The following FOXJ3 variants were observed in gnomAD, a reference collection of about 807,000 sequenced individuals.
FOXJ3 encodes forkhead box J3, also known as forkhead box protein J3.
FOXJ3 carries 22 observed loss-of-function variants against 76.1 expected under a neutral mutation model. The ratio of observed to expected loss-of-function variants is 0.29; its 90% CI spans 0.21 to 0.41. The LOEUF is 0.41. Among genes scored for constraint, FOXJ3 ranks in the 10% least tolerant of loss-of-function variants. The pLI is 1.00. For missense variants in FOXJ3, 613 were observed against 762.1 expected (o/e 0.80, Z 2.30); for synonymous variants, 269 against 261.2 (o/e 1.03, Z -0.29).
chr1:42,193,391 C>T (rs1445848910), intron 8 of FOXJ3, among the ~76,000 whole-genome samples: 1 of 145,204 alleles, frequency 6.9e-6, no homozygotes, highest in African/African-American at 2.6e-5. Context: ...GACTTCCTAT[C>T]GATGTTCCTT....
At chr1:42,196,260 T>C (rs1646648942) in intron 7 of FOXJ3, among the ~76,000 whole-genome samples, 1 of 152,204 alleles carries the variant, frequency 6.6e-6, no homozygotes, top group African/African-American at 2.4e-5. Flanking sequence ...TCTGTATAAG[T>C]AATAAAATTA....
At chr1:42,236,651 C>A (rs1255932321) in intron 4 of FOXJ3, among the ~76,000 whole-genome samples, 1 of 152,242 alleles carries the variant, frequency 6.6e-6, no homozygotes, top group Non-Finnish European at 1.5e-5. Context: ...TTGCGTGACT[C>A]AGGAAGCAAT....
intron 6 of FOXJ3, among the ~76,000 whole-genome samples, chr1:42,200,854 C>T (rs1646750963): frequency 6.6e-6 from 1 of 152,040 alleles, no homozygotes; most frequent in Middle Eastern, 3.2e-3. Flanking sequence ...TTATTTTCTA[C>T]CCACCTCCTC....
At chr1:42,305,542 A>G (rs1023921444) in intron 2 of FOXJ3, among the ~76,000 whole-genome samples, 3 of 152,248 alleles carry the variant, frequency 2.0e-5, no homozygotes, top group African/African-American at 7.2e-5. Context: ...TGGTACATAT[A>G]TACACGAGAT....
At chr1:42,205,256 C>T (rs536845762) in intron 6 of FOXJ3, among the ~76,000 whole-genome samples, 70 of 152,274 alleles carry the variant, frequency 4.6e-4, no homozygotes, top group Middle Eastern at 6.8e-3. Context: ...AGTTGTGACT[C>T]AACCATCAAA....
At chr1:42,217,478 G>A (rs1393615815) in intron 5 of FOXJ3, among the ~76,000 whole-genome samples, 3 of 151,888 alleles carry the variant, frequency 2.0e-5, no homozygotes, top group Non-Finnish European at 4.4e-5. Flanking sequence ...GCAGTGAGCC[G>A]AGATCGTGCC....
At chr1:42,321,377 AT>A (rs1655418188) in intron 1 of FOXJ3, among the ~76,000 whole-genome samples, 1 of 152,156 alleles carries the variant, frequency 6.6e-6, no homozygotes, top group Non-Finnish European at 1.5e-5. Context: ...GTGATGAGCA[AT>A]TGGTAACATG....
chr1:42,283,569 A>T (rs1652865938), intron 2 of FOXJ3, among the ~76,000 whole-genome samples: 1 of 152,214 alleles, frequency 6.6e-6, no homozygotes, highest in Admixed American at 6.5e-5. Context: ...AATAAGAATA[A>T]TGAGGGTAAC....
At chr1:42,307,840 A>C (rs1557714508) in intron 2 of FOXJ3, among the ~76,000 whole-genome samples, 1 of 152,208 alleles carries the variant, frequency 6.6e-6, no homozygotes, top group Non-Finnish European at 1.5e-5. Context: ...CAAATTTTCT[A>C]CAATATGTAC....
chr1:42,260,413 A>G (rs1439615495), intron 4 of FOXJ3, among the ~76,000 whole-genome samples: 3 of 152,202 alleles, frequency 2.0e-5, no homozygotes, highest in Non-Finnish European at 2.9e-5. Context: ...AAAAAAATTC[A>G]TAATTTGTGA....
chr1:42,214,105 T>A (rs1266572409), intron 5 of FOXJ3, among the ~76,000 whole-genome samples: 1 of 152,008 alleles, frequency 6.6e-6, no homozygotes, highest in Non-Finnish European at 1.5e-5. Context: ...ATAAGAAAGG[T>A]GACAGCTTTG....
chr1:42,241,104 G>GTTT (rs1649102708), intron 4 of FOXJ3, among the ~76,000 whole-genome samples: 1 of 152,166 alleles, frequency 6.6e-6, no homozygotes, highest in Non-Finnish European at 1.5e-5. Context: ...TGTGGGAAAA[G>GTTT]GATAAGTGAG....
rs1553169326 is a variant in FOXJ3, at chr1:42,311,650, A to AAAGTAGTAGTAGT, written c.-17-541_-17-540insACTACTACTACTT. 2.0e-5 allele frequency among the ~76,000 whole-genome samples: 3 copies of AAAGTAGTAGTAGT among 149,508 alleles called. No homozygotes were observed. The East Asian group carries it at 5.9e-4, about 29-fold the overall frequency. On this transcript the variant is annotated intron_variant, in intron 1 of 12. Coordinates refer to ENST00000361346, the MANE Select transcript of FOXJ3 (RefSeq NM_014947.5). ...AAACAGTTCCATTGCTTTAAAAAAA[A>AAAGTAGTAGTAGT]AGTAGTAGTAGTAGTAGTAGTAGTA... is the stretch of plus-strand genomic sequence containing the variant.
chr1:42,217,062 G>T (rs1343893746), intron 5 of FOXJ3, among the ~76,000 whole-genome samples: 1 of 152,094 alleles, frequency 6.6e-6, no homozygotes, highest in African/African-American at 2.4e-5. Flanking sequence ...GTGGAGGGGA[G>T]GAGAGGAACA....
intron 4 of FOXJ3, among the ~76,000 whole-genome samples, chr1:42,264,006 G>C (rs1403982329): frequency 7.5e-6 from 1 of 132,886 alleles, no homozygotes; most frequent in Non-Finnish European, 1.5e-5. Context: ...TGGAGGGATC[G>C]AGCCCAGCCA....
intron 2 of FOXJ3, among the ~76,000 whole-genome samples, chr1:42,301,378 T>C (rs1045370673): frequency 6.6e-6 from 1 of 152,026 alleles, no homozygotes; most frequent in African/African-American, 2.4e-5. Flanking sequence ...TTTTTGTATT[T>C]TTAGTAGAGA....
intron 3 of FOXJ3, among the ~76,000 whole-genome samples, chr1:42,277,516 G>GCT (rs1483163862): frequency 4.4e-5 from 2 of 45,042 alleles, no homozygotes; most frequent in African/African-American, 6.5e-5. Context: ...CAAAAAATCT[G>GCT]GCCGGGCGCG....
chr1:42,225,869 T>G (rs1647515945), intron 5 of FOXJ3, among the ~76,000 whole-genome samples: 1 of 152,002 alleles, frequency 6.6e-6, no homozygotes, highest in Non-Finnish European at 1.5e-5. Flanking sequence ...AGGAAGACTC[T>G]CAAAAATAGG....
At position 42,179,641 on chromosome 1, in the gene FOXJ3, T is replaced by C. The variant is rs1050734287; in HGVS notation, c.*69A>G. On this transcript the variant is annotated 3_prime_UTR_variant, in exon 13 of 13. Coordinates refer to ENST00000361346, the MANE Select transcript of FOXJ3 (RefSeq NM_014947.5). ...AGCAAGTTTGTTTTCTCAACTGGAT[T>C]CTCTTAAACCTTTCCCTTCACTGCA... The C allele has an allele frequency of 6.6e-6, 6 of 906,570 alleles. No homozygotes were observed. The highest frequency in any genetic ancestry group is 5.3e-6 in the Non-Finnish European group (3 of 567,058). The allele number at this position is 906,570 out of a possible 1,614,324, so 56.2% of individuals were successfully genotyped here.
Sources: allele counts gnomAD v4.1 joint callset (sites outside exome capture counted in the v4.1 genomes callset), GRCh38; gene constraint gnomAD v4.1.1; transcripts MANE v1.5; gene names NCBI Gene and HGNC (gene_info 2026-07-23, HGNC 2026-07-21).